Variants in MTHFS observed in about 807,000 individuals in gnomAD.
The protein encoded by MTHFS is 5-formyltetrahydrofolate cyclo-ligase.
In MTHFS, 7 loss-of-function variants were observed where a neutral mutation model predicts 12.7. The observed-to-expected ratio is 0.55, with a 90% confidence interval of 0.31 to 1.03. The LOEUF is 1.03. Among genes scored for constraint, MTHFS ranks in the 50% least tolerant of loss-of-function variants. The pLI is 0.05. For synonymous variants in MTHFS, 100 were observed against 97.1 expected (o/e 1.03, Z -0.18); for missense variants, 252 against 258.1 (o/e 0.98, Z 0.16).
intron 2 of MTHFS, among the ~76,000 whole-genome samples, chr15:79,856,320 C>T (rs556160677): frequency 4.6e-5 from 7 of 152,056 alleles, no homozygotes; most frequent in South Asian, 2.1e-4. Flanking sequence ...TGTCTTCTTT[C>T]GAAAAGTATC....
intron 2 of MTHFS, among the ~76,000 whole-genome samples, chr15:79,850,409 G>A (rs1566986902): frequency 1.3e-5 from 2 of 152,218 alleles, no homozygotes; most frequent in Admixed American, 1.3e-4. Context: ...AAAGACCAGA[G>A]AGTAAATAAT....
chr15:79,896,966 C>A lies in MTHFS; in HGVS notation c.23G>T (p.Ser8Ile). The change falls in exon 1 of 3, where the codon AGC becomes ATC. Residue 8 changes from serine (S) to isoleucine (I), a missense_variant. By Grantham distance (142) the Ser-to-Ile change is moderately radical (BLOSUM62 -2). Transcript: ENST00000258874. MAAAAVS[S>I]AKRSLRGELK... ...CTCTCCCCGCAGGCTCCGCTTGGCG[C>A]TGCTCACCGCTGCCGCCGCCATCTC... 2.6e-6 allele frequency: 4 copies of A among 1,532,566 alleles called. No homozygotes were observed. The highest frequency in any genetic ancestry group is 1.2e-5 in the South Asian group (1 of 83,492). The allele number at this position is 1,532,566 out of a possible 1,614,324, so 94.9% of individuals were successfully genotyped here.
At position 79,865,822 on chromosome 15, in the gene MTHFS, C is replaced by T. The variant is rs550878488; in HGVS notation, c.380-20380G>A. ...TGGCAAAGCTCCCTCCGGCAGGTGC[C>T]TACAATAATCGCTTATTCCCTTCTC... On this transcript the variant is annotated intron_variant, in intron 2 of 2. Transcript: ENST00000258874. 5.2e-4 allele frequency among the ~76,000 whole-genome samples: 79 copies of T among 152,296 alleles called. No homozygotes were observed. The South Asian group carries it at 8.1e-3, about 16-fold the overall frequency.
Position 79,869,984 on chromosome 15 carries a change from T to C in MTHFS, c.379+19109A>G, listed in dbSNP as rs77209460. Among the ~76,000 whole-genome samples, 2,938 of 152,198 alleles carry C rather than the reference T, an allele frequency of 0.019. 182 individuals are homozygous for C. In the East Asian group the frequency reaches 0.22, roughly 11 times the overall value. On this transcript the variant is annotated intron_variant, in intron 2 of 2. Coordinates refer to ENST00000258874, the MANE Select transcript of MTHFS (RefSeq NM_006441.4). Reference sequence around the variant, plus strand: ...GGAAAGAAGGGATTATCAAAAAAGATAGTTGAAAATAGTTCCCTGGAGTTA... The same window carrying C: ...GGAAAGAAGGGATTATCAAAAAAGACAGTTGAAAATAGTTCCCTGGAGTTA...
Position 79,896,981 on chromosome 15 carries a change from G to C in MTHFS, c.8C>G (p.Ala3Gly). 6.5e-7 allele frequency: 1 copy of C among 1,529,356 alleles called. No individual in the cohort carries two copies. Among genetic ancestry groups the C allele is most frequent in the South Asian group, 1.2e-5 (1 of 83,308 alleles). The allele number at this position is 1,529,356 out of a possible 1,614,324, so 94.7% of individuals were successfully genotyped here. Residue 3 changes from alanine (A) to glycine (G), a missense_variant, in exon 1 of 3, where the codon GCG becomes GGG. Ala to Gly is a moderately conservative substitution (Grantham distance 60, BLOSUM62 0). Transcript: ENST00000258874. Reference sequence around the variant, plus strand: ...CCGCTTGGCGCTGCTCACCGCTGCCGCCGCCATCTCACGCCCAAGCCGAGT... The same window carrying C: ...CCGCTTGGCGCTGCTCACCGCTGCCCCCGCCATCTCACGCCCAAGCCGAGT... MA[A>G]AAVSSAKRSL...
chr15:79,892,501 G>C (rs371202543), intron 1 of MTHFS, among the ~76,000 whole-genome samples: 94 of 152,302 alleles, frequency 6.2e-4, no homozygotes, highest in African/African-American at 2.3e-3. Context: ...AAGTAAAAAA[G>C]AGAATGATTT....
At chr15:79,896,490 C>G (rs1248673293) in intron 1 of MTHFS, among the ~76,000 whole-genome samples, 1 of 152,212 alleles carries the variant, frequency 6.6e-6, no homozygotes, top group Non-Finnish European at 1.5e-5. Flanking sequence ...AGGTGTTCAC[C>G]CATCTCCTCT....
At position 79,877,550 on chromosome 15, in the gene MTHFS, A is replaced by C. The variant is rs145644664; in HGVS notation, c.379+11543T>G. ...CCCATCTCTACTAAAAATACAAAAA[A>C]ATTAGCCAAGCGTAGCAGTGCACAC... is the stretch of plus-strand genomic sequence containing the variant. On this transcript the variant is annotated intron_variant, in intron 2 of 2. Transcript: ENST00000258874. The C allele has an allele frequency of 1.2e-4, 19 of 152,096 alleles. 1 individual carries two copies. Among genetic ancestry groups the C allele is most frequent in the African/African-American group, 4.6e-4 (19 of 41,446 alleles). 9.4% of individuals were successfully genotyped at this position (152,096 alleles called of 1,614,324 possible).
At chr15:79,873,353 G>T (rs1361193796) in intron 2 of MTHFS, among the ~76,000 whole-genome samples, 1 of 152,168 alleles carries the variant, frequency 6.6e-6, no homozygotes, top group African/African-American at 2.4e-5. Flanking sequence ...CCATGCCTCT[G>T]CAGGGTATGG....
intron 2 of MTHFS, among the ~76,000 whole-genome samples, chr15:79,887,646 T>C (rs770593671): frequency 6.6e-6 from 1 of 152,318 alleles, no homozygotes; most frequent in Non-Finnish European, 1.5e-5. Flanking sequence ...GCAAAGTCAG[T>C]AGCTATAATT....
chr15:79,863,060 C>T (rs2033945346), intron 2 of MTHFS, among the ~76,000 whole-genome samples: 1 of 152,246 alleles, frequency 6.6e-6, no homozygotes, highest in Admixed American at 6.5e-5. Context: ...CATCTCCTCT[C>T]TCTTCTGCAT....
chr15:79,875,069 G>A (rs550803540), intron 2 of MTHFS, among the ~76,000 whole-genome samples: 3 of 152,136 alleles, frequency 2.0e-5, no homozygotes, highest in African/African-American at 7.2e-5. Flanking sequence ...AATCACAAGA[G>A]TATTGATTGG....
intron 2 of MTHFS, among the ~76,000 whole-genome samples, chr15:79,856,776 C>CA (rs1489406509): frequency 6.6e-6 from 1 of 150,402 alleles, no homozygotes; most frequent in Non-Finnish European, 1.5e-5. Flanking sequence ...CTTACCACAA[C>CA]AAAAAAAGAA....
chr15:79,896,942 T>C lies in MTHFS; in HGVS notation c.47A>G (p.Glu16Gly). The C allele has an allele frequency of 6.5e-7, 1 of 1,538,856 alleles. No homozygotes were observed. The highest frequency in any genetic ancestry group is 2.5e-5 in the East Asian group (1 of 40,636). The change falls in exon 1 of 3, where the codon GAG becomes GGG. Residue 16 changes from glutamate to glycine, a missense_variant. Physicochemically the swap from Glu to Gly is moderately conservative, Grantham distance 98. Transcript: ENST00000258874. ...CATCGCCCGCAGACGCTGCTTCAGC[T>C]CTCCCCGCAGGCTCCGCTTGGCGCT... ...VSSAKRSLRG[E>G]LKQRLRAMSA...
chr15:79,890,041 A>C (rs1197762487), intron 1 of MTHFS, among the ~76,000 whole-genome samples: 3 of 152,030 alleles, frequency 2.0e-5, no homozygotes, highest in Non-Finnish European at 4.4e-5. Context: ...TGAATATTAA[A>C]ATATTCACAA....
At chr15:79,888,916 C>T (rs1191358624) in intron 2 of MTHFS, among the ~76,000 whole-genome samples, 177 bp downstream of exon 2, 7 of 152,222 alleles carry the variant, frequency 4.6e-5, no homozygotes, top group African/African-American at 1.4e-4. Flanking sequence ...TTACACTTTA[C>T]AGTTTTCAAA....
At chr15:79,877,834 C>G (rs1306626710) in intron 2 of MTHFS, 1 of 151,604 alleles carries the variant, frequency 6.6e-6, no homozygotes, top group Non-Finnish European at 1.5e-5. Context: ...ATGGAGGCCA[C>G]AAGGCAGAAG....
At chr15:79,897,161 C>T (rs1176768814), upstream of MTHFS, 4 of 561,952 alleles carry the variant, frequency 7.1e-6, no homozygotes, top group Non-Finnish European at 1.1e-5. Flanking sequence ...GCGCGCTTAC[C>T]TCGCCTCTGG....
In MTHFS at chr15:79,843,773, T is replaced by G. The variant is rs1008366634; in HGVS notation, c.*1437A>C. ...CTCACAGTATGGTGAAGGGGACAGA[T>G]ATGACAACAAATAATTTGATACGTA... On this transcript the variant is annotated 3_prime_UTR_variant, in exon 3 of 3. Transcript: ENST00000258874. 1 of 152,182 alleles carries G rather than the reference T, an allele frequency of 6.6e-6. No individual in the cohort carries two copies. The highest frequency in any genetic ancestry group is 2.4e-5 in the African/African-American group (1 of 41,444). The allele number at this position is 152,182 out of a possible 1,614,324, so 9.4% of individuals were successfully genotyped here.
Sources: allele counts gnomAD v4.1 joint callset (sites outside exome capture counted in the v4.1 genomes callset), GRCh38; gene constraint gnomAD v4.1.1; transcripts MANE v1.5; gene names NCBI Gene and HGNC (gene_info 2026-07-23, HGNC 2026-07-21).